The following FBXO36 variants were observed in gnomAD, a reference collection of about 807,000 sequenced individuals.
FBXO36 encodes F-box only protein 36.
A neutral mutation model predicts 17.0 loss-of-function variants in FBXO36; 18 were observed. That is an observed-to-expected ratio of 1.06 (90% confidence interval 0.73 to 1.57). The LOEUF (loss-of-function observed/expected upper bound fraction) is 1.57. FBXO36 is among the 40% of genes most tolerant of loss of function. The pLI is 0.00. For missense variants in FBXO36, 229 were observed against 221.9 expected (o/e 1.03, Z -0.20); for synonymous variants, 83 against 85.3 (o/e 0.97, Z 0.15).
Position 230,010,991 on chromosome 2 carries a change from C to T in FBXO36, c.*107C>T, listed in dbSNP as rs1056717443. 98 of 1,200,576 alleles carry T rather than the reference C, an allele frequency of 8.2e-5. No homozygotes were observed. The highest frequency in any genetic ancestry group is 4.0e-4 in the Middle Eastern group (2 of 5,056). 74.4% of individuals were successfully genotyped at this position (1,200,576 alleles called of 1,614,324 possible). A position where few individuals can be genotyped will look rare whatever the true frequency, so the allele number is the denominator to read the frequency against. ...TAAGAACTAAGAGGTTTTGTTGATG[C>T]GTGGAGCCATTTGAAACTCGTAGGG... On this transcript the variant is annotated 3_prime_UTR_variant, in exon 4 of 4. Coordinates refer to ENST00000283946, the MANE Select transcript of FBXO36 (RefSeq NM_174899.5).
chr2:229,991,455 G>A (rs2077297609), intron 2 of FBXO36, among the ~76,000 whole-genome samples: 1 of 152,122 alleles, frequency 6.6e-6, no homozygotes, highest in Non-Finnish European at 1.5e-5. Context: ...GTTCTTGTTA[G>A]AAGTCGGACC....
chr2:230,006,480 C>T (rs776462623), intron 3 of FBXO36, among the ~76,000 whole-genome samples: 6 of 152,078 alleles, frequency 3.9e-5, no homozygotes, highest in Non-Finnish European at 7.4e-5. Context: ...CTCAGGCACC[C>T]GACTGCTGGA....
intron 1 of FBXO36, among the ~76,000 whole-genome samples, chr2:229,944,372 C>T (rs1187493492): frequency 6.6e-6 from 1 of 152,160 alleles, no homozygotes; most frequent in African/African-American, 2.4e-5. Flanking sequence ...ATTTATTTAA[C>T]AGTTTCATTT....
intron 2 of FBXO36, among the ~76,000 whole-genome samples, chr2:229,978,115 C>A (rs2077219481): frequency 6.6e-6 from 1 of 151,644 alleles, no homozygotes; most frequent in South Asian, 2.1e-4. Flanking sequence ...AAAACAAAAA[C>A]CAAAAAAAAA....
At chr2:229,961,838 T>C (rs1343112681) in intron 1 of FBXO36, among the ~76,000 whole-genome samples, 1 of 152,078 alleles carries the variant, frequency 6.6e-6, no homozygotes, top group Non-Finnish European at 1.5e-5. Flanking sequence ...GCCTCTCAAT[T>C]TGTTCAGGTA....
At chr2:229,999,219 T>A (rs1008474983) in intron 3 of FBXO36, among the ~76,000 whole-genome samples, 4 of 150,974 alleles carry the variant, frequency 2.6e-5, no homozygotes, top group African/African-American at 9.7e-5. Flanking sequence ...CTCCGCCTAT[T>A]GGGTTCAAGT....
chr2:229,939,369 CTG>C, intron 1 of FBXO36: 1 of 594,168 alleles, frequency 1.7e-6, no homozygotes, highest in Non-Finnish European at 2.1e-6. Context: ...CTGTCTAAAA[CTG>C]TATTAAAGTA....
At chr2:229,956,315 G>C (rs1444695391) in intron 1 of FBXO36, among the ~76,000 whole-genome samples, 2 of 152,108 alleles carry the variant, frequency 1.3e-5, no homozygotes, top group African/African-American at 4.8e-5. Flanking sequence ...CTTTTCTCTG[G>C]GCATACACAT....
At position 230,010,677 on chromosome 2, in the gene FBXO36, T is replaced by A. The variant is rs571093854; in HGVS notation, c.379-19T>A. The A allele has an allele frequency of 5.7e-6, 9 of 1,590,122 alleles. No homozygotes were observed. In the Admixed American group the frequency reaches 1.0e-4, roughly 18 times the overall value. On this transcript the variant is annotated intron_variant, in intron 3 of 3. Coordinates refer to ENST00000283946, the MANE Select transcript of FBXO36 (RefSeq NM_174899.5). Reference sequence around the variant, plus strand: ...ACACATGTGTGCTGTAACCCACCTCTGACTTTTCCCACCCACAGCTGTGCA... The same window carrying A: ...ACACATGTGTGCTGTAACCCACCTCAGACTTTTCCCACCCACAGCTGTGCA...
rs1330552954 is a variant in FBXO36, at chr2:230,011,134, C to T, written c.*250C>T. On this transcript the variant is annotated 3_prime_UTR_variant, in exon 4 of 4. Transcript: ENST00000283946. ...CTGTAAGACAGGGAGCCCCATAGGC[C>T]ATCATCATCCTTATCCCACACCCAT... 3 of 418,616 alleles carry T rather than the reference C, an allele frequency of 7.2e-6. No homozygotes were observed. Among genetic ancestry groups the T allele is most frequent in the Admixed American group, 7.4e-5 (2 of 27,126 alleles). The allele number at this position is 418,616 out of a possible 1,614,324, so 25.9% of individuals were successfully genotyped here.
At chr2:229,940,193 C>T (rs988051293) in intron 1 of FBXO36, among the ~76,000 whole-genome samples, 61 of 152,208 alleles carry the variant, frequency 4.0e-4, no homozygotes, top group African/African-American at 1.4e-3. Flanking sequence ...CTTGTTTAAG[C>T]TGTGACTAAA....
intron 1 of FBXO36, among the ~76,000 whole-genome samples, chr2:229,935,354 A>G (rs185471254): frequency 8.5e-5 from 13 of 152,212 alleles, no homozygotes; most frequent in Admixed American, 8.5e-4. Flanking sequence ...TGTGATAACA[A>G]TATCAAACAT....
intron 1 of FBXO36, among the ~76,000 whole-genome samples, chr2:229,932,283 G>A (rs1472800823): frequency 1.3e-5 from 2 of 152,142 alleles, no homozygotes; most frequent in Non-Finnish European, 2.9e-5. Context: ...CACTTTAGGA[G>A]GCTGACGCGG....
intron 3 of FBXO36, among the ~76,000 whole-genome samples, chr2:230,000,716 C>T (rs2077353928): frequency 6.6e-6 from 1 of 152,230 alleles, no homozygotes; most frequent in East Asian, 1.9e-4. Context: ...CATAATTTAG[C>T]CAGTGCTCTG....
chr2:229,981,167 C>G (rs1008252988), intron 2 of FBXO36, among the ~76,000 whole-genome samples: 14 of 152,140 alleles, frequency 9.2e-5, no homozygotes, highest in Admixed American at 9.2e-4. Context: ...ATAATGGTTA[C>G]TCCATATAGC....
intron 1 of FBXO36, among the ~76,000 whole-genome samples, chr2:229,959,982 A>G (rs1364444079): frequency 1.3e-5 from 2 of 152,166 alleles, no homozygotes; most frequent in African/African-American, 4.8e-5. Flanking sequence ...CTAAAGTTCT[A>G]ATTTCAGGGT....
intron 1 of FBXO36, among the ~76,000 whole-genome samples, chr2:229,967,904 G>A (rs894911771): frequency 6.6e-6 from 1 of 152,126 alleles, no homozygotes; most frequent in Admixed American, 6.6e-5. Context: ...AATGAGTTAG[G>A]GAGGATTCCC....
In FBXO36 at chr2:230,010,825, C is replaced by T. The variant is rs1475550608; in HGVS notation, c.508C>T (p.Gln170Ter). 6.2e-7 allele frequency: 1 copy of T among 1,613,754 alleles called. No individual in the cohort carries two copies. Among genetic ancestry groups the T allele is most frequent in the Non-Finnish European group, 8.5e-7 (1 of 1,179,810 alleles). ...QLFFTNKLQL[Q>*]RQLRKRKQKY... ...GTTCTTCACCAACAAGCTCCAGCTCCAGCGGCAGCTCCGCAAGAGGAAACA... is the reference window on the plus strand; with the variant it reads ...GTTCTTCACCAACAAGCTCCAGCTCTAGCGGCAGCTCCGCAAGAGGAAACA... The change falls in exon 4 of 4, where the codon CAG (glutamine) becomes TAG (stop). Residue 170 changes from glutamine (Q) to a stop codon, truncating the protein, a stop_gained. Coordinates refer to ENST00000283946, the MANE Select transcript of FBXO36 (RefSeq NM_174899.5). LOFTEE classifies it low-confidence loss of function (END_TRUNC).
At chr2:229,974,719 A>G (rs1012943485) in intron 1 of FBXO36, among the ~76,000 whole-genome samples, 2 of 152,106 alleles carry the variant, frequency 1.3e-5, no homozygotes, top group Admixed American at 1.3e-4. Flanking sequence ...CTGTCATTAT[A>G]ACATAGAGGC....
Sources: gnomAD v4.1 joint callset for allele counts (sites outside exome capture counted in the v4.1 genomes callset) on GRCh38, gnomAD v4.1.1 for gene constraint, MANE v1.5 for transcripts, NCBI Gene and HGNC (gene_info 2026-07-23, HGNC 2026-07-21) for gene names.